The following NFE2L3 variants were observed in gnomAD, a reference collection of about 807,000 sequenced individuals.
The protein encoded by NFE2L3 is NFE2 like bZIP transcription factor 3.
Under a neutral mutation model 23.5 loss-of-function variants are expected in NFE2L3, and 18 were observed. That is an observed-to-expected ratio of 0.77 (90% confidence interval 0.53 to 1.13). The LOEUF is 1.13. Ranked by LOEUF, NFE2L3 falls within the 50% of genes most tolerant of loss-of-function variation. The probability of loss-of-function intolerance (pLI) is 0.00; values close to 1 mark genes in which losing one functional copy is unlikely to be tolerated. For missense variants in NFE2L3, 1,152 were observed against 877.2 expected, an observed-to-expected ratio of 1.31 and a Z score of -3.96; for synonymous variants, 424 against 354.5, an observed-to-expected ratio of 1.20 and a Z score of -2.20.
chr7:26,183,913 A>G, intron 3 of NFE2L3, 129 bp downstream of exon 3: 1 of 653,310 alleles, frequency 1.5e-6, no homozygotes, highest in Non-Finnish European at 2.7e-6. Flanking sequence ...GAAGCACTTC[A>G]GCTTAGAATT....
chr7:26,177,604 A>G (rs1413956817), intron 1 of NFE2L3, among the ~76,000 whole-genome samples: 44 of 152,300 alleles, frequency 2.9e-4, no homozygotes, highest in Non-Finnish European at 1.5e-5. Flanking sequence ...AAAGGAGGGA[A>G]GGAGGGAGGA....
At position 26,162,698 on chromosome 7, in the gene NFE2L3, G is replaced by A. The variant is rs569951623; in HGVS notation, c.570+9630G>A. Reference sequence around the variant, plus strand: ...CTGCCTTCTCCAGGGGACTTTAGAAGTAAGTTTAGACTATTTCTTTTTTTT... The same window carrying A: ...CTGCCTTCTCCAGGGGACTTTAGAAATAAGTTTAGACTATTTCTTTTTTTT... On this transcript the variant is annotated intron_variant, in intron 1 of 3. Coordinates refer to ENST00000056233, the MANE Select transcript of NFE2L3 (RefSeq NM_004289.7). Among the ~76,000 whole-genome samples the A allele has an allele frequency of 2.0e-5, 3 of 151,852 alleles. No homozygotes were observed. In the South Asian group the frequency reaches 6.3e-4, roughly 32 times the overall value.
intron 1 of NFE2L3, among the ~76,000 whole-genome samples, chr7:26,170,838 C>A (rs1363671635): frequency 6.6e-6 from 1 of 152,160 alleles, no homozygotes; most frequent in African/African-American, 2.4e-5. Flanking sequence ...TGGAGAGGAT[C>A]ACTTGAGCCT....
At position 26,152,992 on chromosome 7, in the gene NFE2L3, T is replaced by G. The variant is rs1416262220; in HGVS notation, c.494T>G (p.Leu165Trp). ...CCCCGAGCGGCTCGGAGTGGCCCCT[T>G]GGACGCCGGGGAAGAGGAGAAGGCA... ...GDPRAARSGP[L>W]DAGEEEKAPA... Residue 165 changes from leucine to tryptophan, a missense_variant, in exon 1 of 4, where the codon TTG (leucine) becomes TGG (tryptophan). Transcript: ENST00000056233. This position sits in a 1 kb window ranked among gnomAD's most constrained non-coding sequence, Gnocchi z 4.4. 5.3e-6 allele frequency: 8 copies of G among 1,517,556 alleles called. No individual in the cohort carries two copies. Among genetic ancestry groups the G allele is most frequent in the Non-Finnish European group, 4.4e-6 (5 of 1,138,236 alleles). The allele number at this position is 1,517,556 out of a possible 1,614,324, so 94.0% of individuals were successfully genotyped here.
intron 2 of NFE2L3, 50 bp from the exon 3 acceptor site, chr7:26,183,651 A>T (rs1261169135): frequency 1.7e-6 from 2 of 1,154,276 alleles, no homozygotes; most frequent in Non-Finnish European, 2.6e-6. Flanking sequence ...TAAAGCCCCA[A>T]CCAGTTCAGT....
intron 1 of NFE2L3, among the ~76,000 whole-genome samples, chr7:26,161,342 T>C (rs1784168480): frequency 1.1e-5 from 1 of 90,402 alleles, no homozygotes; most frequent in African/African-American, 5.4e-5. Flanking sequence ...TCTCTTTTTT[T>C]TTTTTTTTTT....
At chr7:26,169,212 G>A (rs1391365308) in intron 1 of NFE2L3, among the ~76,000 whole-genome samples, 1 of 152,188 alleles carries the variant, frequency 6.6e-6, no homozygotes, top group Non-Finnish European at 1.5e-5. Context: ...TAGAATAATT[G>A]CTAACTGTTA....
At chr7:26,164,504 G>A (rs1435816892) in intron 1 of NFE2L3, among the ~76,000 whole-genome samples, 2 of 152,078 alleles carry the variant, frequency 1.3e-5, no homozygotes, top group African/African-American at 4.8e-5. Flanking sequence ...TGATGGGGTT[G>A]TTTGTTTTTT....
intron 1 of NFE2L3, among the ~76,000 whole-genome samples, chr7:26,158,451 G>A: frequency 6.6e-6 from 1 of 152,164 alleles, no homozygotes; most frequent in Non-Finnish European, 1.5e-5. Context: ...TTCTTGGGGT[G>A]TTCAGCTTGC....
chr7:26,165,772 T>C (rs1239910239), intron 1 of NFE2L3, among the ~76,000 whole-genome samples: 1 of 152,192 alleles, frequency 6.6e-6, no homozygotes, highest in African/African-American at 2.4e-5. Flanking sequence ...CAGTATGATA[T>C]TGGCTGTGGG....
chr7:26,184,780 T>G lies in NFE2L3; in HGVS notation c.1082T>G (p.Leu361Trp), dbSNP rs1404656493. 1.2e-6 allele frequency: 2 copies of G among 1,613,824 alleles called. No homozygotes were observed. The highest frequency in any genetic ancestry group is 2.7e-5 in the African/African-American group (2 of 74,914). The change falls in exon 4 of 4, where the codon TTG (leucine) becomes TGG (tryptophan). Residue 361 changes from leucine (L) to tryptophan (W), a missense_variant. Transcript: ENST00000056233. ...GAGCAAACCCTTCCTGGAACTAATT[T>G]GACAGGATTTCTTTCACCGGTTGAC... ...NPEQTLPGTN[L>W]TGFLSPVDNH...
At chr7:26,156,683 C>T (rs1784087361) in intron 1 of NFE2L3, among the ~76,000 whole-genome samples, 1 of 152,220 alleles carries the variant, frequency 6.6e-6, no homozygotes, top group African/African-American at 2.4e-5. Context: ...CAGCCAGCTT[C>T]AGTATTTCAG....
At position 26,184,568 on chromosome 7, in the gene NFE2L3, T is replaced by C; in HGVS notation, c.870T>C (p.Ser290=). ...ISLGDIPLPG[S]ISDGMNSSAH... is the part of the protein sequence containing the mutation. Reference sequence around the variant, plus strand: ...TGGGAGATATTCCTCTTCCAGGCAGTATCAGTGATGGCATGAATTCTTCAG... The same window carrying C: ...TGGGAGATATTCCTCTTCCAGGCAGCATCAGTGATGGCATGAATTCTTCAG... Residue 290 remains serine, a synonymous_variant, in exon 4 of 4, where the codon AGT becomes AGC. Transcript: ENST00000056233. 1 of 1,613,666 alleles carries C rather than the reference T, an allele frequency of 6.2e-7. No homozygotes were observed. Among genetic ancestry groups the C allele is most frequent in the East Asian group, 2.2e-5 (1 of 44,880 alleles).
At chr7:26,170,331 C>G (rs758537414) in intron 1 of NFE2L3, among the ~76,000 whole-genome samples, 1 of 152,194 alleles carries the variant, frequency 6.6e-6, no homozygotes, top group Non-Finnish European at 1.5e-5. Context: ...GGCAGGCACT[C>G]TAACATTTCG....
chr7:26,168,333 C>T (rs1784281159), intron 1 of NFE2L3, among the ~76,000 whole-genome samples: 1 of 151,692 alleles, frequency 6.6e-6, no homozygotes, highest in Admixed American at 6.6e-5. Flanking sequence ...GACAGGGTTT[C>T]ACCATGTTGC....
At chr7:26,179,382 C>T (rs1784467173) in intron 2 of NFE2L3, among the ~76,000 whole-genome samples, 1 of 152,032 alleles carries the variant, frequency 6.6e-6, no homozygotes, top group Non-Finnish European at 1.5e-5. Flanking sequence ...TTCCTGTACT[C>T]CTAGCTATCC....
rs191956550 is a variant in NFE2L3 at position 26,184,384 on chromosome 7, G to A, written c.835-149G>A. On this transcript the variant is annotated intron_variant, in intron 3 of 3. Coordinates refer to ENST00000056233, the MANE Select transcript of NFE2L3 (RefSeq NM_004289.7). ...ACTCACATCTCGTATTGTATTGCCT[G>A]TATTTAACTAGGAAGTTACTGCCAA... 5.3e-4 allele frequency: 348 copies of A among 657,208 alleles called. No individual in the cohort carries two copies. In the African/African-American group the frequency reaches 7.1e-3, roughly 13 times the overall value. 40.7% of individuals were successfully genotyped at this position (657,208 alleles called of 1,614,324 possible).
rs895347796 is a variant in NFE2L3, at chr7:26,153,018, C to T, written c.520C>T (p.Pro174Ser). ...GGACGCCGGGGAAGAGGAGAAGGCACCCGCGGAACCGACGGCTCAGGTGCC... is the reference window on the plus strand; with the variant it reads ...GGACGCCGGGGAAGAGGAGAAGGCATCCGCGGAACCGACGGCTCAGGTGCC... ...PLDAGEEEKAPAEPTAQVPDA... is the reference protein window; with the variant it reads ...PLDAGEEEKASAEPTAQVPDA... Residue 174 changes from proline to serine, a missense_variant, in exon 1 of 4, where the codon CCC becomes TCC. Pro to Ser is a moderately conservative substitution (Grantham distance 74). Coordinates refer to ENST00000056233, the MANE Select transcript of NFE2L3 (RefSeq NM_004289.7). 2.0e-5 allele frequency: 30 copies of T among 1,524,428 alleles called. No homozygotes were observed. In the African/African-American group the frequency reaches 2.2e-4, roughly 11 times the overall value. 94.4% of individuals were successfully genotyped at this position (1,524,428 alleles called of 1,614,324 possible).
chr7:26,157,379 G>A (rs1177464053), intron 1 of NFE2L3, among the ~76,000 whole-genome samples: 2 of 151,398 alleles, frequency 1.3e-5, no homozygotes, highest in Admixed American at 6.6e-5. Flanking sequence ...AGGTCTCTCT[G>A]TGTTGCCCAG....
Sources: allele counts gnomAD v4.1 joint callset (sites outside exome capture counted in the v4.1 genomes callset), GRCh38; gene constraint gnomAD v4.1.1; non-coding constraint Gnocchi (gnomAD v3.1); transcripts MANE v1.5; gene names NCBI Gene and HGNC (gene_info 2026-07-23, HGNC 2026-07-21).